Variants in OSTM1 observed in about 807,000 individuals in gnomAD.
The protein encoded by OSTM1 is osteoclastogenesis associated transmembrane protein 1.
A neutral mutation model predicts 35.4 loss-of-function variants in OSTM1; 26 were observed. That is an observed-to-expected ratio of 0.73 (90% CI 0.54 to 1.02). The LOEUF (loss-of-function observed/expected upper bound fraction) is 1.02, where lower values mean the gene tolerates loss of function less well. Ranked by LOEUF, OSTM1 falls within the 50% of genes least tolerant of loss-of-function variation. The probability of loss-of-function intolerance (pLI) is 0.00; values close to 1 mark genes in which losing one functional copy is unlikely to be tolerated. For missense variants in OSTM1, 366 were observed against 409.6 expected (o/e 0.89, Z 0.92); for synonymous variants, 181 against 165.0 (o/e 1.10, Z -0.75).
intron 1 of OSTM1, among the ~76,000 whole-genome samples, chr6:108,065,934 GAA>G (rs1166954733): frequency 2.0e-5 from 3 of 152,010 alleles, no homozygotes; most frequent in African/African-American, 7.2e-5. Context: ...GAGAAATTAG[GAA>G]AGAGTTCATG....
At chr6:108,052,381 C>T (rs949474160) in intron 3 of OSTM1, among the ~76,000 whole-genome samples, 1 of 148,856 alleles carries the variant, frequency 6.7e-6, no homozygotes, top group Non-Finnish European at 1.5e-5. Context: ...TGCAGTGAGC[C>T]GAGATCGCGC....
At chr6:108,057,185 C>G (rs1334437157) in intron 2 of OSTM1, among the ~76,000 whole-genome samples, 1 of 152,102 alleles carries the variant, frequency 6.6e-6, no homozygotes, top group Non-Finnish European at 1.5e-5. Context: ...GCTGTGATTG[C>G]GCCACTGCAT....
At chr6:108,056,492 G>GGA (rs1344618459) in intron 2 of OSTM1, among the ~76,000 whole-genome samples, 2 of 152,148 alleles carry the variant, frequency 1.3e-5, no homozygotes, top group African/African-American at 4.8e-5. Flanking sequence ...CACCATACAG[G>GGA]GATTCAGGCA....
chr6:108,070,477 G>A (rs1765718422), intron 1 of OSTM1, among the ~76,000 whole-genome samples: 1 of 152,118 alleles, frequency 6.6e-6, no homozygotes, highest in Admixed American at 6.5e-5. Context: ...ATAGTTTGAG[G>A]CCTGAATCTT....
chr6:108,049,778 A>G (rs1772044319), intron 4 of OSTM1: 1 of 204,914 alleles, frequency 4.9e-6, no homozygotes, highest in Admixed American at 5.3e-5. Context: ...AGAGCCTACT[A>G]GAAACCAGGT....
chr6:108,055,475 T>C (rs1399784092), intron 2 of OSTM1, among the ~76,000 whole-genome samples: 2 of 152,320 alleles, frequency 1.3e-5, no homozygotes, highest in East Asian at 3.9e-4. Context: ...CATGAGCCAC[T>C]GCGCTCAGCC....
intron 2 of OSTM1, among the ~76,000 whole-genome samples, chr6:108,060,029 ATACGGTGAAAACTAAATCTTCCTTTC>A (rs771031360): frequency 2.4e-4 from 37 of 152,212 alleles, no homozygotes; most frequent in Non-Finnish European, 4.7e-4. Flanking sequence ...ACAAATGCAA[ATACGGTGAAAACTAAATCTTCCTTTC>A]TTTCCTGCCC....
chr6:108,061,273 A>G (rs537634098), intron 2 of OSTM1, among the ~76,000 whole-genome samples: 1 of 152,168 alleles, frequency 6.6e-6, no homozygotes, highest in Admixed American at 6.5e-5. Flanking sequence ...GTTTTTCTTC[A>G]TATGAACTAA....
At chr6:108,057,129 G>A (rs138927619) in intron 2 of OSTM1, among the ~76,000 whole-genome samples, 61 of 152,236 alleles carry the variant, frequency 4.0e-4, no homozygotes, top group African/African-American at 1.4e-3. Flanking sequence ...TTGGGAGGCT[G>A]AGAGGGGAGA....
chr6:108,063,249 G>A lies in OSTM1; in HGVS notation c.517+936C>T, dbSNP rs112898124. The stretch of plus-strand genomic sequence containing the variant: ...TCCCCAGGCTGGTCTCAAACTCCTG[G>A]GCTCAAGCAATTCTGCCTTGGCTTC... On this transcript the variant is annotated intron_variant, in intron 2 of 5. Transcript: ENST00000193322. Among the ~76,000 whole-genome samples, 382 of 151,928 alleles carry A rather than the reference G, an allele frequency of 2.5e-3. 2 individuals are homozygous for A. Among genetic ancestry groups the A allele is most frequent in the African/African-American group, 9.0e-3 (373 of 41,450 alleles).
intron 2 of OSTM1, among the ~76,000 whole-genome samples, chr6:108,056,268 G>C (rs1772168257): frequency 6.6e-6 from 1 of 152,322 alleles, no homozygotes; most frequent in Non-Finnish European, 1.5e-5. Context: ...AAGGAACAGA[G>C]ATAGGTTTAG....
At chr6:108,068,012 C>T (rs1772410983) in intron 1 of OSTM1, among the ~76,000 whole-genome samples, 1 of 152,110 alleles carries the variant, frequency 6.6e-6, no homozygotes, top group African/African-American at 2.4e-5. Flanking sequence ...TCTGATCTCA[C>T]TTTCGTACCC....
intron 1 of OSTM1, 64 bp from the exon 2 acceptor site, chr6:108,064,363 G>A (rs2114606493): frequency 1.2e-6 from 1 of 860,944 alleles, no homozygotes; most frequent in East Asian, 2.4e-5. Flanking sequence ...AACAACTTGA[G>A]GCAAAAACCT....
intron 2 of OSTM1, among the ~76,000 whole-genome samples, chr6:108,062,455 T>C (rs1488606726): frequency 1.3e-5 from 2 of 152,164 alleles, no homozygotes; most frequent in Non-Finnish European, 2.9e-5. Context: ...CTGCAGTAAC[T>C]GAAACTACAG....
chr6:108,073,181 C>T (rs1016892724), intron 1 of OSTM1, among the ~76,000 whole-genome samples: 1 of 152,152 alleles, frequency 6.6e-6, no homozygotes, highest in Non-Finnish European at 1.5e-5. Context: ...ATATTTAGTG[C>T]AACTATAAAC....
At chr6:108,069,280 T>A (rs1389628820) in intron 1 of OSTM1, among the ~76,000 whole-genome samples, 2 of 152,230 alleles carry the variant, frequency 1.3e-5, no homozygotes, top group East Asian at 1.9e-4. Context: ...AGGTACTCAA[T>A]AATTTTTTTG....
intron 1 of OSTM1, among the ~76,000 whole-genome samples, chr6:108,070,751 G>A (rs1436394232): frequency 1.3e-5 from 2 of 151,940 alleles, no homozygotes; most frequent in African/African-American, 2.4e-5. Flanking sequence ...TTAGCCAGGC[G>A]TGGTGGTGGG....
In OSTM1 at chr6:108,042,166, T is replaced by C. The variant is rs929742447; in HGVS notation, c.*2619A>G. 4 of 150,950 alleles carry C rather than the reference T, an allele frequency of 2.6e-5. No homozygotes were observed. The highest frequency in any genetic ancestry group is 2.6e-4 in the Admixed American group (4 of 15,134). 9.4% of individuals were successfully genotyped at this position (150,950 alleles called of 1,614,324 possible). Reference sequence around the variant, plus strand: ...TCTGATGTTCAGCCAGGTGTGGTGCTTATGCTTGTAATCCCAGCACTTTGG... The same window carrying C: ...TCTGATGTTCAGCCAGGTGTGGTGCCTATGCTTGTAATCCCAGCACTTTGG... On this transcript the variant is annotated 3_prime_UTR_variant, in exon 6 of 6. Coordinates refer to ENST00000193322, the MANE Select transcript of OSTM1 (RefSeq NM_014028.4).
At chr6:108,047,777 G>A (rs948354852) in intron 5 of OSTM1, among the ~76,000 whole-genome samples, 2 of 152,188 alleles carry the variant, frequency 1.3e-5, no homozygotes, top group South Asian at 2.1e-4. Flanking sequence ...TGACTACAAG[G>A]TTTGTGGCTT....
Sources: gnomAD v4.1 joint callset for allele counts (sites outside exome capture counted in the v4.1 genomes callset) on GRCh38, gnomAD v4.1.1 for gene constraint, MANE v1.5 for transcripts, NCBI Gene and HGNC (gene_info 2026-07-23, HGNC 2026-07-21) for gene names.